The following NOL4 variants were observed in gnomAD, a reference collection of about 807,000 sequenced individuals.
NOL4 encodes the protein nucleolar protein 4, also known as cancer/testis antigen 125.
In NOL4, 17 loss-of-function variants were observed where a neutral mutation model predicts 75.9. The observed-to-expected ratio is 0.22, with a 90% confidence interval of 0.15 to 0.34. The LOEUF is 0.34. Ranked by LOEUF, NOL4 falls within the 10% of genes least tolerant of loss-of-function variation. NOL4 has a pLI of 1.00. For missense variants in NOL4, 614 were observed against 793.5 expected (o/e 0.77, Z 2.72); for synonymous variants, 292 against 289.9 (o/e 1.01, Z -0.07).
intron 5 of NOL4, among the ~76,000 whole-genome samples, chr18:34,022,347 G>T (rs2075095095): frequency 6.6e-6 from 1 of 151,806 alleles, no homozygotes; most frequent in African/African-American, 2.4e-5. Flanking sequence ...AAATACATAG[G>T]AAAATTTAGG....
At chr18:33,964,329 G>C (rs1240515158) in intron 6 of NOL4, among the ~76,000 whole-genome samples, 2 of 152,046 alleles carry the variant, frequency 1.3e-5, no homozygotes, top group African/African-American at 2.4e-5. Context: ...TCATCAGTGA[G>C]TTTACAAGCA....
At chr18:33,907,372 AAAG>A (rs992129910) in intron 9 of NOL4, among the ~76,000 whole-genome samples, 1 of 151,896 alleles carries the variant, frequency 6.6e-6, no homozygotes, top group African/African-American at 2.4e-5. Flanking sequence ...AATAAACATT[AAAG>A]AAGATAATCT....
At chr18:34,115,987 T>C (rs1159744413) in intron 2 of NOL4, among the ~76,000 whole-genome samples, 3 of 152,202 alleles carry the variant, frequency 2.0e-5, no homozygotes, top group African/African-American at 7.2e-5. Flanking sequence ...GATAGTGTTT[T>C]CAGTGTAAAT....
chr18:33,958,461 C>G, intron 6 of NOL4, 43 bp from the exon 7 acceptor site: 1 of 1,512,714 alleles, frequency 6.6e-7, no homozygotes, highest in Non-Finnish European at 9.0e-7. Flanking sequence ...ATTCATTGCA[C>G]AAGCTTATAA....
chr18:34,109,720 C>T (rs1450911131), intron 2 of NOL4, among the ~76,000 whole-genome samples: 1 of 151,614 alleles, frequency 6.6e-6, no homozygotes, highest in Admixed American at 6.6e-5. Context: ...ATCAATGAAA[C>T]TTGAGTTATT....
chr18:34,007,938 T>C (rs1480201919), intron 6 of NOL4, among the ~76,000 whole-genome samples: 3 of 151,926 alleles, frequency 2.0e-5, no homozygotes, highest in African/African-American at 4.8e-5. Context: ...GACTGCGCTA[T>C]AGGGTGTTGA....
chr18:33,962,367 C>G (rs1006476340), intron 6 of NOL4, among the ~76,000 whole-genome samples: 1 of 152,142 alleles, frequency 6.6e-6, no homozygotes, highest in Non-Finnish European at 1.5e-5. Flanking sequence ...ATATAGATGG[C>G]CCCAGCCAAA....
At chr18:34,149,101 C>T (rs1234104727) in intron 1 of NOL4, among the ~76,000 whole-genome samples, 1 of 151,432 alleles carries the variant, frequency 6.6e-6, no homozygotes, top group Admixed American at 6.6e-5. Context: ...CTGCATTTTC[C>T]CTTAATTATT....
chr18:34,154,031 C>T (rs149212734), intron 1 of NOL4, among the ~76,000 whole-genome samples: 52 of 152,050 alleles, frequency 3.4e-4, no homozygotes, highest in Non-Finnish European at 7.2e-4. Context: ...AGGAGTCAGA[C>T]ATGTGTCCAG....
chr18:34,174,773 C>T lies in NOL4; in HGVS notation c.265-44753G>A, dbSNP rs1488267979. ...ACTACCACTTATGAGTGAGAACATG[C>T]GGTGTTTGATTTTCTGTTCTTATGT... On this transcript the variant is annotated intron_variant, in intron 1 of 10. Coordinates refer to ENST00000261592, the MANE Select transcript of NOL4 (RefSeq NM_003787.5). 9.2e-5 allele frequency among the ~76,000 whole-genome samples: 14 copies of T among 152,108 alleles called. 1 individual carries two copies. The East Asian group carries it at 1.7e-3, about 19-fold the overall frequency.
chr18:33,968,121 TA>T (rs1238820817), intron 6 of NOL4, among the ~76,000 whole-genome samples: 7 of 151,532 alleles, frequency 4.6e-5, no homozygotes, highest in Non-Finnish European at 5.9e-5. Context: ...AAAATTAAAA[TA>T]AAAAAATAGC....
chr18:33,983,478 G>A (rs117473672), intron 6 of NOL4, among the ~76,000 whole-genome samples: 39 of 150,440 alleles, frequency 2.6e-4, no homozygotes, highest in Non-Finnish European at 5.5e-4. Flanking sequence ...ATAAACACAC[G>A]CACACACATG....
At chr18:34,078,400 T>C (rs2077843757) in intron 5 of NOL4, among the ~76,000 whole-genome samples, 1 of 152,212 alleles carries the variant, frequency 6.6e-6, no homozygotes, top group African/African-American at 2.4e-5. Flanking sequence ...GTAAAGGATG[T>C]CTTTAAGCAA....
At chr18:34,034,539 GAC>G (rs1345782016) in intron 5 of NOL4, among the ~76,000 whole-genome samples, 1 of 152,158 alleles carries the variant, frequency 6.6e-6, no homozygotes, top group Non-Finnish European at 1.5e-5. Context: ...AGGAGTTCGA[GAC>G]CAGCCTGGCC....
In NOL4 at chr18:34,223,914, G is replaced by A. The variant is rs1202114873; in HGVS notation, c.-661C>T. ...GAAAGAGAAAGTTCTTACCTGTCATGTTTTTAAACCTATCAAATTCTGTTT... is the reference window on the plus strand; with the variant it reads ...GAAAGAGAAAGTTCTTACCTGTCATATTTTTAAACCTATCAAATTCTGTTT... On this transcript the variant is annotated 5_prime_UTR_variant, in exon 1 of 11. Coordinates refer to ENST00000261592, the MANE Select transcript of NOL4 (RefSeq NM_003787.5). 1 of 152,260 alleles carries A rather than the reference G, an allele frequency of 6.6e-6. No homozygotes were observed. The highest frequency in any genetic ancestry group is 1.5e-5 in the Non-Finnish European group (1 of 68,056). 9.4% of individuals were successfully genotyped at this position (152,260 alleles called of 1,614,324 possible). A position where few individuals can be genotyped will look rare whatever the true frequency, so the allele number is the denominator to read the frequency against.
intron 6 of NOL4, among the ~76,000 whole-genome samples, chr18:33,988,047 G>A (rs907465753): frequency 1.3e-5 from 2 of 152,072 alleles, no homozygotes; most frequent in Non-Finnish European, 2.9e-5. Flanking sequence ...AAACACAGGG[G>A]GAAGGGCTCA....
chr18:33,930,340 T>C (rs2067604294), intron 9 of NOL4, among the ~76,000 whole-genome samples: 1 of 152,146 alleles, frequency 6.6e-6, no homozygotes, highest in South Asian at 2.1e-4. Context: ...TGTTCTGGAC[T>C]AATAAAGGTA....
chr18:33,886,471 T>G (rs1417932686), intron 9 of NOL4, among the ~76,000 whole-genome samples: 1 of 148,486 alleles, frequency 6.7e-6, no homozygotes, highest in Non-Finnish European at 1.5e-5. Context: ...GAGGTTGCAG[T>G]GAGCCAAGAT....
intron 6 of NOL4, among the ~76,000 whole-genome samples, chr18:33,967,573 A>G (rs942431929): frequency 3.9e-5 from 6 of 152,306 alleles, no homozygotes; most frequent in African/African-American, 9.6e-5. Context: ...TTCATCCAAC[A>G]AAGTTCTAAC....
Sources: gnomAD v4.1 joint callset for allele counts (sites outside exome capture counted in the v4.1 genomes callset) on GRCh38, gnomAD v4.1.1 for gene constraint, MANE v1.5 for transcripts, NCBI Gene and HGNC (gene_info 2026-07-23, HGNC 2026-07-21) for gene names.